ANKS1B: variants seen among roughly 807,000 people sequenced by gnomAD.
ANKS1B encodes ankyrin repeat and sterile alpha motif domain containing 1B.
In ANKS1B, 36 loss-of-function variants were observed where a neutral mutation model predicts 148.3. The observed-to-expected ratio is 0.24, with a 90% confidence interval of 0.19 to 0.32. The LOEUF (loss-of-function observed/expected upper bound fraction) is 0.32. ANKS1B is among the 10% of genes least tolerant of loss of function. ANKS1B has a pLI of 1.00. For synonymous variants in ANKS1B, 542 were observed against 560.8 expected (o/e 0.97, Z 0.47); for missense variants, 1,157 against 1,542.6 (o/e 0.75, Z 4.19).
intron 17 of ANKS1B, among the ~76,000 whole-genome samples, chr12:98,909,849 G>A (rs890480668): frequency 6.6e-6 from 1 of 152,186 alleles, no homozygotes; most frequent in Admixed American, 6.5e-5. Context: ...AAGACCAAAG[G>A]AGCACATGAA....
intron 9 of ANKS1B, among the ~76,000 whole-genome samples, chr12:99,575,586 A>G (rs1046396268): frequency 2.0e-5 from 3 of 152,180 alleles, no homozygotes; most frequent in Admixed American, 1.3e-4. Context: ...AGAAAATAAG[A>G]GCCAAGTGAA....
chr12:99,320,271 A>G (rs1160153886), intron 12 of ANKS1B, among the ~76,000 whole-genome samples: 2 of 152,186 alleles, frequency 1.3e-5, no homozygotes, highest in Non-Finnish European at 2.9e-5. Flanking sequence ...CTCCTGGATA[A>G]TATCTCGCAG....
intron 19 of ANKS1B, among the ~76,000 whole-genome samples, chr12:98,813,259 T>C (rs1471002338): frequency 6.6e-6 from 1 of 151,802 alleles, no homozygotes; most frequent in Non-Finnish European, 1.5e-5. Context: ...TCACCCAGGC[T>C]GGAGTGCAGT....
At chr12:99,662,499 AAATG>A (rs996285089) in intron 8 of ANKS1B, among the ~76,000 whole-genome samples, 1 of 152,186 alleles carries the variant, frequency 6.6e-6, no homozygotes, top group African/African-American at 2.4e-5. Flanking sequence ...AATGAAGAGT[AAATG>A]AATGAATGAA....
chr12:98,771,093 T>C (rs2153473598), intron 25 of ANKS1B, among the ~76,000 whole-genome samples: 1 of 152,362 alleles, frequency 6.6e-6, no homozygotes, highest in African/African-American at 2.4e-5. Flanking sequence ...GTTTGTAATA[T>C]ATGAGCTAGT....
chr12:99,295,965 TAG>T lies in ANKS1B; in HGVS notation c.1757-49103_1757-49102del, dbSNP rs557392003. The stretch of plus-strand genomic sequence containing the variant: ...CTCTTATGTTTTCTGCTAGCAATTT[TAG>T]AGTTTTCGGCTTTATATTTATCTTT... On this transcript the variant is annotated intron_variant, in intron 12 of 26. Coordinates refer to ENST00000683438, the MANE Select transcript of ANKS1B (RefSeq NM_001352186.2). 3.3e-3 allele frequency among the ~76,000 whole-genome samples: 501 copies of T among 152,344 alleles called. 1 individual carries two copies. The highest frequency in any genetic ancestry group is 5.7e-3 in the Non-Finnish European group (387 of 68,034).
At chr12:99,133,327 A>G (rs1467854323) in intron 15 of ANKS1B, among the ~76,000 whole-genome samples, 1 of 152,170 alleles carries the variant, frequency 6.6e-6, no homozygotes, top group Non-Finnish European at 1.5e-5. Flanking sequence ...TGCTGGGATT[A>G]CAGGCGTGAG....
chr12:99,579,877 C>T (rs2097553766), intron 9 of ANKS1B, among the ~76,000 whole-genome samples: 1 of 151,860 alleles, frequency 6.6e-6, no homozygotes, highest in Admixed American at 6.6e-5. Context: ...ATAAATCGTT[C>T]CACCAAAAAA....
At chr12:99,378,528 A>G (rs936026072) in intron 12 of ANKS1B, among the ~76,000 whole-genome samples, 2 of 151,668 alleles carry the variant, frequency 1.3e-5, no homozygotes, top group Non-Finnish European at 2.9e-5. Context: ...GGTGACATGC[A>G]CCTGTAGTCT....
chr12:99,396,300 C>T (rs2094241481), intron 12 of ANKS1B, among the ~76,000 whole-genome samples: 1 of 152,118 alleles, frequency 6.6e-6, no homozygotes, highest in Non-Finnish European at 1.5e-5. Context: ...TCTTTATATA[C>T]CCAGTGGCAA....
At chr12:99,656,389 C>T (rs1006125235) in intron 8 of ANKS1B, among the ~76,000 whole-genome samples, 3 of 152,026 alleles carry the variant, frequency 2.0e-5, no homozygotes, top group Non-Finnish European at 4.4e-5. Context: ...AAGTTCCACT[C>T]ACAAGAATCA....
At chr12:99,799,492 T>C (rs2066673109) in intron 4 of ANKS1B, among the ~76,000 whole-genome samples, 2 of 152,150 alleles carry the variant, frequency 1.3e-5, no homozygotes, top group Non-Finnish European at 2.9e-5. Context: ...GTGCTTATTT[T>C]CTGTCATCCC....
intron 17 of ANKS1B, among the ~76,000 whole-genome samples, chr12:98,925,536 G>T (rs2099806912): frequency 1.3e-5 from 2 of 152,094 alleles, no homozygotes; most frequent in Non-Finnish European, 1.5e-5. Context: ...TTAACCCAAA[G>T]TTTGCAATAA....
At chr12:99,217,478 C>T (rs915140741) in intron 14 of ANKS1B, among the ~76,000 whole-genome samples, 1 of 152,120 alleles carries the variant, frequency 6.6e-6, no homozygotes, top group African/African-American at 2.4e-5. Flanking sequence ...CATTATGTTT[C>T]CTACCTCCTC....
intron 8 of ANKS1B, among the ~76,000 whole-genome samples, chr12:99,697,815 CAG>C (rs1351138385): frequency 1.3e-5 from 2 of 152,090 alleles, no homozygotes; most frequent in African/African-American, 4.8e-5. Flanking sequence ...ATGTTAATAA[CAG>C]GAGAAATGGG....
intron 14 of ANKS1B, chr12:99,154,992 T>A (rs1249223305): frequency 6.5e-7 from 1 of 1,535,412 alleles, no homozygotes; most frequent in Non-Finnish European, 8.7e-7. Flanking sequence ...CAATCTTGAA[T>A]GATGAGAGCA....
intron 9 of ANKS1B, among the ~76,000 whole-genome samples, chr12:99,594,656 A>G (rs1429855820): frequency 2.0e-5 from 3 of 152,066 alleles, no homozygotes; most frequent in African/African-American, 7.2e-5. Flanking sequence ...TAAATGTGAA[A>G]TCTAAAATGA....
intron 12 of ANKS1B, among the ~76,000 whole-genome samples, chr12:99,289,741 A>G (rs1244695672): frequency 6.6e-6 from 1 of 152,010 alleles, no homozygotes; most frequent in Non-Finnish European, 1.5e-5. Flanking sequence ...GAAACACAAC[A>G]TATCAAAATC....
At position 99,648,787 on chromosome 12, in the gene ANKS1B, G is replaced by A. The variant is rs146369359; in HGVS notation, c.1272+6280C>T. The A allele has an allele frequency of 2.5e-6, 4 of 1,609,052 alleles. No homozygotes were observed. The African/African-American group carries it at 4.0e-5, about 16-fold the overall frequency. On this transcript the variant is annotated intron_variant, in intron 9 of 26. Transcript: ENST00000683438. Reference sequence around the variant, plus strand: ...GTTGGAGGAAGTGCAGAGGAGCCCAGTGGTGAGTCTATGCAGAGACTAGAT... The same window carrying A: ...GTTGGAGGAAGTGCAGAGGAGCCCAATGGTGAGTCTATGCAGAGACTAGAT...
Sources: gnomAD v4.1 joint callset for allele counts (sites outside exome capture counted in the v4.1 genomes callset) on GRCh38, gnomAD v4.1.1 for gene constraint, MANE v1.5 for transcripts, NCBI Gene and HGNC (gene_info 2026-07-23, HGNC 2026-07-21) for gene names.